CACNA1D: variants seen among roughly 807,000 people sequenced by gnomAD.
CACNA1D encodes the protein calcium voltage-gated channel subunit alpha1 D.
In CACNA1D, 55 loss-of-function variants were observed where a neutral mutation model predicts 257.1. The observed-to-expected ratio is 0.21, with a 90% CI of 0.17 to 0.27. The LOEUF is 0.27. CACNA1D is among the 10% of genes least tolerant of loss of function. The pLI, the probability that CACNA1D is intolerant of heterozygous loss-of-function variation, is 1.00. For synonymous variants in CACNA1D, 980 were observed against 1,014.9 expected (o/e 0.97, Z 0.65); for missense variants, 1,876 against 2,784.0 (o/e 0.67, Z 7.34).
intron 3 of CACNA1D, among the ~76,000 whole-genome samples, chr3:53,583,951 C>T (rs937542344): frequency 1.3e-5 from 2 of 152,166 alleles, no homozygotes; most frequent in African/African-American, 2.4e-5. Flanking sequence ...CAGTCACAAG[C>T]ATCAGCCTGT....
chr3:53,764,008 C>T (rs1489270003), intron 30 of CACNA1D, among the ~76,000 whole-genome samples: 1 of 151,282 alleles, frequency 6.6e-6, no homozygotes, highest in Non-Finnish European at 1.5e-5. Context: ...ATAAGTAAAA[C>T]AGACTGTCAG....
intron 3 of CACNA1D, among the ~76,000 whole-genome samples, chr3:53,563,244 C>G (rs1342945030): frequency 1.3e-5 from 2 of 152,040 alleles, no homozygotes; most frequent in African/African-American, 4.8e-5. Flanking sequence ...GCTTATCAGG[C>G]CAGGCACGGT....
At chr3:53,772,732 TAGAA>T in intron 32 of CACNA1D, 97 bp from the exon 33 acceptor site, 1 of 840,440 alleles carries the variant, frequency 1.2e-6, no homozygotes, top group Non-Finnish European at 2.1e-6. Context: ...ACACGTGGAA[TAGAA>T]AGGAAGCATG....
chr3:53,521,036 C>T (rs2091555964), intron 3 of CACNA1D, among the ~76,000 whole-genome samples: 1 of 145,446 alleles, frequency 6.9e-6, no homozygotes, highest in African/African-American at 2.6e-5. Context: ...TCCTCTCTCT[C>T]TTTCCCTATT....
Position 53,769,989 on chromosome 3 carries a change from A to G in CACNA1D, c.3887A>G (p.Asn1296Ser). The change falls in exon 31 of 48, where the codon AAT becomes AGT. Residue 1296 changes from asparagine to serine, a missense_variant. Physicochemically the swap from Asn to Ser is conservative, Grantham distance 46. This residue lies in a region of CACNA1D where 204 missense variants were observed against 309.4 expected (regional missense o/e 0.66). Coordinates refer to ENST00000350061, the MANE Select transcript of CACNA1D (RefSeq NM_001128840.3). ...TTCTTAAAGCCAACTGAAAGTGAAA[A>G]TGTCCCTGTCCCAACTGCTACACCT... ...LSEADPTESE[N>S]VPVPTATPGN... 6.2e-7 allele frequency: 1 copy of G among 1,613,536 alleles called. No individual in the cohort carries two copies. Among genetic ancestry groups the G allele is most frequent in the African/African-American group, 1.3e-5 (1 of 75,030 alleles).
intron 3 of CACNA1D, among the ~76,000 whole-genome samples, chr3:53,541,845 G>A (rs553185111): frequency 1.3e-4 from 20 of 152,092 alleles, no homozygotes; most frequent in South Asian, 4.2e-4. Context: ...ACCATAAGTG[G>A]GTATTACTCC....
chr3:53,628,466 G>A (rs1314268483), intron 3 of CACNA1D, among the ~76,000 whole-genome samples: 1 of 152,144 alleles, frequency 6.6e-6, no homozygotes, highest in Non-Finnish European at 1.5e-5. Flanking sequence ...GAATGCCATG[G>A]CACTTAAAGT....
intron 8 of CACNA1D, among the ~76,000 whole-genome samples, chr3:53,701,166 G>A (rs2094621908): frequency 3.9e-5 from 6 of 152,098 alleles, no homozygotes; most frequent in Admixed American, 3.3e-4. Flanking sequence ...TTTGGAGACA[G>A]CGTCTTGCTC....
At chr3:53,555,454 GTGTGTGTTT>G (rs1314940461) in intron 3 of CACNA1D, among the ~76,000 whole-genome samples, 1 of 106,582 alleles carries the variant, frequency 9.4e-6, no homozygotes, top group African/African-American at 4.3e-5. Context: ...GTGTGTGTGT[GTGTGTGTTT>G]TTTTTTTTTT....
At chr3:53,569,564 G>A (rs1197834614) in intron 3 of CACNA1D, among the ~76,000 whole-genome samples, 1 of 152,166 alleles carries the variant, frequency 6.6e-6, no homozygotes, top group Non-Finnish European at 1.5e-5. Flanking sequence ...GCTGTCTCAG[G>A]TCCTGTCTCA....
At chr3:53,778,908 G>A (rs563166167) in intron 37 of CACNA1D, among the ~76,000 whole-genome samples, 2 of 152,380 alleles carry the variant, frequency 1.3e-5, no homozygotes, top group South Asian at 4.1e-4. Flanking sequence ...CCCTGAGTTG[G>A]GAATAGTAAT....
At chr3:53,543,074 T>C (rs1434229210) in intron 3 of CACNA1D, among the ~76,000 whole-genome samples, 1 of 124,342 alleles carries the variant, frequency 8.0e-6, no homozygotes, top group Non-Finnish European at 1.7e-5. Context: ...AAACTTAAAG[T>C]ATAATAATAA....
intron 14 of CACNA1D, among the ~76,000 whole-genome samples, chr3:53,725,474 A>G (rs1182724058): frequency 6.6e-6 from 1 of 152,160 alleles, no homozygotes; most frequent in Non-Finnish European, 1.5e-5. Context: ...AAACTCCCAG[A>G]GATGGAATTG....
At chr3:53,528,653 C>G (rs1187720855) in intron 3 of CACNA1D, among the ~76,000 whole-genome samples, 1 of 152,190 alleles carries the variant, frequency 6.6e-6, no homozygotes, top group Non-Finnish European at 1.5e-5. Context: ...ATTGAGTCTT[C>G]TAATCACTGA....
chr3:53,544,181 C>T (rs2092362815), intron 3 of CACNA1D, among the ~76,000 whole-genome samples: 1 of 152,114 alleles, frequency 6.6e-6, no homozygotes, highest in African/African-American at 2.4e-5. Context: ...TGGTCTAACT[C>T]AGAGAGGGTC....
intron 3 of CACNA1D, among the ~76,000 whole-genome samples, chr3:53,564,263 T>C (rs1441513769): frequency 6.6e-6 from 1 of 152,112 alleles, no homozygotes; most frequent in African/African-American, 2.4e-5. Context: ...TGGGTTCAAA[T>C]GATTCTCCTG....
intron 9 of CACNA1D, among the ~76,000 whole-genome samples, chr3:53,716,112 T>C (rs2094815777): frequency 1.3e-5 from 2 of 152,262 alleles, no homozygotes; most frequent in Non-Finnish European, 2.9e-5. Context: ...GTTTGCTCTT[T>C]TGAAAATAAT....
intron 3 of CACNA1D, among the ~76,000 whole-genome samples, chr3:53,632,485 C>G (rs1358091575): frequency 1.3e-5 from 2 of 152,316 alleles, no homozygotes; most frequent in African/African-American, 4.8e-5. Flanking sequence ...ATCATTTGTT[C>G]ATTGGAGTAA....
At position 53,800,941 on chromosome 3, in the gene CACNA1D, G is replaced by A. The variant is rs986701034; in HGVS notation, c.5041-117G>A. 6 of 960,552 alleles carry A rather than the reference G, an allele frequency of 6.2e-6. No homozygotes were observed. The highest frequency in any genetic ancestry group is 1.0e-5 in the Non-Finnish European group (6 of 598,138). The allele number at this position is 960,552 out of a possible 1,614,324, so 59.5% of individuals were successfully genotyped here. A position where few individuals can be genotyped will look rare whatever the true frequency, so the allele number is the denominator to read the frequency against. On this transcript the variant is annotated intron_variant, in intron 41 of 47. Coordinates refer to ENST00000350061, the MANE Select transcript of CACNA1D (RefSeq NM_001128840.3). The surrounding 1 kb of genome is among the most constrained non-coding windows in gnomAD (Gnocchi z 4.3). ...ATTGAGACACTCAGATTGTTTTACA[G>A]GGATCCTACGGAGCTTGCCTAGAAT...
Sources: allele counts gnomAD v4.1 joint callset (sites outside exome capture counted in the v4.1 genomes callset), GRCh38; gene constraint gnomAD v4.1.1; regional missense constraint gnomAD v4.1.1; non-coding constraint Gnocchi (gnomAD v3.1); transcripts MANE v1.5; gene names NCBI Gene and HGNC (gene_info 2026-07-23, HGNC 2026-07-21).